The following PCDH15 variants were observed in gnomAD, a reference collection of about 807,000 sequenced individuals.
PCDH15 encodes protocadherin related 15.
PCDH15 carries 129 observed loss-of-function variants against 178.5 expected under a neutral mutation model. That is an observed-to-expected ratio of 0.72 (90% confidence interval 0.63 to 0.84). The LOEUF (loss-of-function observed/expected upper bound fraction) is 0.84. Among genes scored for constraint, PCDH15 ranks in the 40% least tolerant of loss-of-function variants. The probability of loss-of-function intolerance (pLI) is 0.00; values close to 1 mark genes in which losing one functional copy is unlikely to be tolerated. For synonymous variants in PCDH15, 800 were observed against 732.0 expected, an observed-to-expected ratio of 1.09 and a Z score of -1.50; for missense variants, 2,230 against 2,099.9, an observed-to-expected ratio of 1.06 and a Z score of -1.21.
intron 1 of PCDH15, among the ~76,000 whole-genome samples, chr10:55,242,435 A>G (rs887287001): frequency 1.4e-5 from 2 of 148,122 alleles, no homozygotes; most frequent in Non-Finnish European, 3.0e-5. Flanking sequence ...AATCTGTTAA[A>G]TCAGAGTTTT....
chr10:54,732,757 C>G lies in PCDH15; in HGVS notation c.-29+68168G>C, dbSNP rs190533509. 5.8e-4 allele frequency among the ~76,000 whole-genome samples: 88 copies of G among 151,582 alleles called. 1 individual carries two copies. Among genetic ancestry groups the G allele is most frequent in the Non-Finnish European group, 1.1e-3 (76 of 67,608 alleles). ...CAAGTAAAACAATGAACTAATCTCT[C>G]TCATGAGCATAGATGCAGAATTTCT... On this transcript the variant is annotated intron_variant, in intron 1 of 37. Coordinates refer to ENST00000644397, the MANE Select transcript of PCDH15 (RefSeq NM_001384140.1).
At chr10:54,981,786 T>G (rs550518154) in intron 2 of PCDH15, among the ~76,000 whole-genome samples, 10 of 152,034 alleles carry the variant, frequency 6.6e-5, no homozygotes, top group Non-Finnish European at 1.3e-4. Flanking sequence ...CTTTAATTAA[T>G]TAATTTTGAG....
chr10:55,189,541 T>C (rs939871058), intron 1 of PCDH15, among the ~76,000 whole-genome samples: 2 of 151,842 alleles, frequency 1.3e-5, no homozygotes, highest in African/African-American at 4.8e-5. Flanking sequence ...GGGATTGTAT[T>C]CACACTCTCC....
intron 2 of PCDH15, among the ~76,000 whole-genome samples, chr10:54,642,122 C>T (rs2094004660): frequency 6.6e-6 from 1 of 151,530 alleles, no homozygotes; most frequent in Admixed American, 6.6e-5. Context: ...GTCATGAGAC[C>T]ACAGCCCTTA....
chr10:55,578,442 A>T, intron 2 of PCDH15, among the ~76,000 whole-genome samples: 1 of 152,072 alleles, frequency 6.6e-6, no homozygotes, highest in East Asian at 1.9e-4. Context: ...GATGGTCTCG[A>T]TCTGCTGACC....
chr10:55,143,281 A>C (rs1838404156), intron 2 of PCDH15, among the ~76,000 whole-genome samples: 1 of 152,162 alleles, frequency 6.6e-6, no homozygotes, highest in African/African-American at 2.4e-5. Context: ...AATGAGGATG[A>C]AAATACAATA....
At chr10:54,345,462 G>C (rs914024617) in intron 6 of PCDH15, among the ~76,000 whole-genome samples, 1 of 151,944 alleles carries the variant, frequency 6.6e-6, no homozygotes, top group Non-Finnish European at 1.5e-5. Flanking sequence ...AATTGCTTTG[G>C]GGGGCCCGTG....
At chr10:54,872,856 T>G (rs1954063968) in intron 3 of PCDH15, among the ~76,000 whole-genome samples, 1 of 152,026 alleles carries the variant, frequency 6.6e-6, no homozygotes, top group African/African-American at 2.4e-5. Context: ...ACATCTCATT[T>G]CAAAAAAACT....
At chr10:55,532,528 A>G (rs945107647) in intron 2 of PCDH15, among the ~76,000 whole-genome samples, 16 of 152,116 alleles carry the variant, frequency 1.1e-4, no homozygotes, top group African/African-American at 3.9e-4. Flanking sequence ...TTGAACTTAG[A>G]AACTAGTAAT....
chr10:54,031,976 G>A (rs1233080401), intron 18 of PCDH15, among the ~76,000 whole-genome samples: 2 of 151,924 alleles, frequency 1.3e-5, no homozygotes, highest in African/African-American at 4.8e-5. Flanking sequence ...CTTAGTATTT[G>A]ATAATTATGC....
At chr10:54,849,197 A>G (rs1377148617) in intron 3 of PCDH15, among the ~76,000 whole-genome samples, 1 of 152,144 alleles carries the variant, frequency 6.6e-6, no homozygotes, top group Admixed American at 6.6e-5. Context: ...TCAATGAAAA[A>G]AAAACTACGC....
chr10:54,672,134 G>A (rs2094686579), intron 1 of PCDH15, among the ~76,000 whole-genome samples: 1 of 151,958 alleles, frequency 6.6e-6, no homozygotes, highest in African/African-American at 2.4e-5. Flanking sequence ...ATTCCCAGAT[G>A]GGATCATCTA....
At chr10:53,866,351 T>G (rs1311477710) in intron 27 of PCDH15, among the ~76,000 whole-genome samples, 1 of 151,710 alleles carries the variant, frequency 6.6e-6, no homozygotes, top group Non-Finnish European at 1.5e-5. Context: ...AGAAATCCAG[T>G]GCTTATACCT....
chr10:53,900,386 T>C (rs916016316), intron 26 of PCDH15, among the ~76,000 whole-genome samples: 21 of 152,106 alleles, frequency 1.4e-4, no homozygotes, highest in Non-Finnish European at 2.9e-5. Flanking sequence ...GAGGGTTCCT[T>C]AGAGTTCTCA....
rs957983538 is a variant in PCDH15, at chr10:55,398,772, T to C, written c.-156+228853A>G. Reference sequence around the variant, plus strand: ...TACCCTCGCCAAGTATTGGGGTTTTTTAATGTCTTTTTATTGCCATATCTC... The same window carrying C: ...TACCCTCGCCAAGTATTGGGGTTTTCTAATGTCTTTTTATTGCCATATCTC... On this transcript the variant is annotated intron_variant, in intron 2 of 5. Transcript: ENST00000613346. Among the ~76,000 whole-genome samples the C allele has an allele frequency of 5.3e-5, 8 of 152,154 alleles. No homozygotes were observed. The East Asian group carries it at 5.8e-4, about 11-fold the overall frequency.
chr10:54,958,855 A>G (rs1838565421), intron 2 of PCDH15, among the ~76,000 whole-genome samples: 1 of 151,908 alleles, frequency 6.6e-6, no homozygotes, highest in South Asian at 2.1e-4. Flanking sequence ...CATCCCCAAC[A>G]TGCATATTAA....
intron 1 of PCDH15, among the ~76,000 whole-genome samples, chr10:55,243,088 A>G (rs562336290): frequency 5.9e-5 from 9 of 152,324 alleles, no homozygotes; most frequent in African/African-American, 1.7e-4. Flanking sequence ...TAGGAAATAA[A>G]ACAACTAGGA....
chr10:54,998,507 A>T (rs2131926573), intron 2 of PCDH15, among the ~76,000 whole-genome samples: 1 of 152,302 alleles, frequency 6.6e-6, no homozygotes, highest in African/African-American at 2.4e-5. Flanking sequence ...TTAAAAAAAA[A>T]TTGAAAATGT....
At chr10:54,543,105 G>T (rs11004368) in intron 2 of PCDH15, among the ~76,000 whole-genome samples, 40 of 152,140 alleles carry the variant, frequency 2.6e-4, no homozygotes, top group African/African-American at 9.4e-4. Context: ...GAGAGCCGTG[G>T]CCCCCCAAAA....
Sources: gnomAD v4.1 joint callset for allele counts (sites outside exome capture counted in the v4.1 genomes callset) on GRCh38, gnomAD v4.1.1 for gene constraint, MANE v1.5 for transcripts, NCBI Gene and HGNC (gene_info 2026-07-23, HGNC 2026-07-21) for gene names.